The following PCDHGA3 variants were observed in gnomAD, a reference collection of about 807,000 sequenced individuals.
The protein encoded by PCDHGA3 is protocadherin gamma subfamily A, 3, also known as protocadherin gamma-A3.
A neutral mutation model predicts 58.5 loss-of-function variants in PCDHGA3; 40 were observed. That is an observed-to-expected ratio of 0.68 (90% CI 0.53 to 0.89). The LOEUF (loss-of-function observed/expected upper bound fraction) is 0.89, where lower values mean the gene tolerates loss of function less well. Ranked by LOEUF, PCDHGA3 falls within the 40% of genes least tolerant of loss-of-function variation. PCDHGA3 has a pLI of 0.00. For missense variants in PCDHGA3, 1,223 were observed against 1,195.9 expected (o/e 1.02, Z -0.33); for synonymous variants, 530 against 525.7 (o/e 1.01, Z -0.11).
rs1189175823 is a variant in PCDHGA3 at position 141,422,087 on chromosome 5, G to T, written c.2425-72720G>T. 2 of 1,611,966 alleles carry T rather than the reference G, an allele frequency of 1.2e-6. No individual in the cohort carries two copies. ...ATGTATTCATTTCGGAACATGGAAA[G>T]CAAGGCTTCTGAAATATTCCAATTG... is the stretch of plus-strand genomic sequence containing the variant. On this transcript the variant is annotated intron_variant, in intron 1 of 3. Transcript: ENST00000253812.
chr5:141,360,755 T>A, intron 1 of PCDHGA3: 1 of 1,613,972 alleles, frequency 6.2e-7, no homozygotes, highest in Non-Finnish European at 8.5e-7. Flanking sequence ...GAGCACAGTT[T>A]ACATCAATTG....
rs948066467 is a variant in PCDHGA3 at position 141,344,913 on chromosome 5, C to T, written c.880C>T (p.Leu294Phe). Residue 294 changes from leucine (L) to phenylalanine (F), a missense_variant, in exon 1 of 4, where the codon CTT (leucine) becomes TTT (phenylalanine). This residue lies in a region of PCDHGA3 where 791 missense variants were observed against 708.5 expected (regional missense o/e 1.12). Transcript: ENST00000253812. ...MPGKIAEIFH[L>F]NSVSGEVSIL... The stretch of plus-strand genomic sequence containing the variant: ...TGGGAAAATCGCTGAGATTTTCCAT[C>T]TTAACTCAGTGAGTGGAGAAGTATC... 8.7e-6 allele frequency: 14 copies of T among 1,613,862 alleles called. No homozygotes were observed. Among genetic ancestry groups the T allele is most frequent in the Non-Finnish European group, 1.0e-5 (12 of 1,179,816 alleles).
At chr5:141,356,246 T>A (rs1421799660) in intron 1 of PCDHGA3, 2 of 1,579,642 alleles carry the variant, frequency 1.3e-6, no homozygotes, top group African/African-American at 1.3e-5. Context: ...GAAGTCACAG[T>A]TACATCTCTC....
At chr5:141,500,562 T>A (rs2099801387) in intron 2 of PCDHGA3, among the ~76,000 whole-genome samples, 1 of 152,202 alleles carries the variant, frequency 6.6e-6, no homozygotes, top group Admixed American at 6.5e-5. Flanking sequence ...CACAAACTTG[T>A]CACACTTTCA....
chr5:141,414,909 C>T (rs1230113440), intron 1 of PCDHGA3: 10 of 1,614,102 alleles, frequency 6.2e-6, no homozygotes, highest in Admixed American at 1.7e-5. Context: ...GTTCCACAGG[C>T]GTGGAGCTGG....
intron 1 of PCDHGA3, chr5:141,414,991 G>T (rs1162432290): frequency 1.9e-6 from 3 of 1,613,766 alleles, no homozygotes; most frequent in Non-Finnish European, 1.7e-6. Flanking sequence ...CGGCCAGAAC[G>T]CCTGGCTGTC....
chr5:141,354,569 C>G (rs1055724310), intron 1 of PCDHGA3, among the ~76,000 whole-genome samples: 2 of 152,224 alleles, frequency 1.3e-5, no homozygotes, highest in Admixed American at 1.3e-4. Flanking sequence ...AAACTTGTTA[C>G]TGCATAAATT....
chr5:141,372,277 C>T (rs753032334), intron 1 of PCDHGA3: 2 of 1,613,112 alleles, frequency 1.2e-6, no homozygotes, highest in Non-Finnish European at 1.7e-6. Context: ...GAGGTGCGCA[C>T]GGCGCGTACC....
intron 1 of PCDHGA3, among the ~76,000 whole-genome samples, chr5:141,454,657 C>T (rs554561906): frequency 5.1e-4 from 77 of 152,192 alleles, no homozygotes; most frequent in African/African-American, 1.7e-3. Flanking sequence ...CTGCCCACCT[C>T]GGCCTCCCAA....
chr5:141,470,707 TA>T (rs1207543665), intron 1 of PCDHGA3, among the ~76,000 whole-genome samples: 1 of 152,164 alleles, frequency 6.6e-6, no homozygotes, highest in African/African-American at 2.4e-5. Flanking sequence ...ATTTTTATTT[TA>T]TTTTTTTGAG....
At chr5:141,352,154 G>T (rs770780067) in intron 1 of PCDHGA3, 1 of 1,612,750 alleles carries the variant, frequency 6.2e-7, no homozygotes, top group East Asian at 2.2e-5. Context: ...GGGCGACAGG[G>T]ACGCGGCCCG....
intron 1 of PCDHGA3, chr5:141,410,939 C>T (rs960754863): frequency 5.1e-5 from 10 of 195,446 alleles, no homozygotes; most frequent in South Asian, 1.1e-4. Flanking sequence ...CTGCAACCTC[C>T]GCCTTCTGGG....
intron 1 of PCDHGA3, chr5:141,389,822 C>T (rs1253797821): frequency 1.2e-6 from 2 of 1,613,932 alleles, no homozygotes; most frequent in Non-Finnish European, 1.7e-6. Flanking sequence ...CCGTGCGTGA[C>T]GGTGGACAGC....
intron 1 of PCDHGA3, chr5:141,350,456 G>T: frequency 1.2e-6 from 2 of 1,613,442 alleles, no homozygotes; most frequent in East Asian, 2.2e-5. Context: ...AAAACTGCGG[G>T]TTAGTGCAGA....
At chr5:141,399,129 A>G (rs1280077247) in intron 1 of PCDHGA3, 2 of 1,613,848 alleles carry the variant, frequency 1.2e-6, no homozygotes, top group Non-Finnish European at 8.5e-7. Context: ...TTAATATTCA[A>G]GATGAAAATG....
At position 141,409,805 on chromosome 5, in the gene PCDHGA3, C is replaced by A. The variant is rs751397816; in HGVS notation, c.2424+63348C>A. On this transcript the variant is annotated intron_variant, in intron 1 of 3. Transcript: ENST00000253812. ...CGCCTTCGCGCTCACGCTGCAGGCC[C>A]GCGACCACGGCTCGCCCACGCTCAG... is the stretch of plus-strand genomic sequence containing the variant. 14 of 1,611,512 alleles carry A rather than the reference C, an allele frequency of 8.7e-6. No homozygotes were observed. Among genetic ancestry groups the A allele is most frequent in the Middle Eastern group, 1.6e-4 (1 of 6,072 alleles).
chr5:141,393,972 C>T, intron 1 of PCDHGA3: 1 of 1,613,790 alleles, frequency 6.2e-7, no homozygotes, highest in Non-Finnish European at 8.5e-7. Flanking sequence ...CTGTTACACA[C>T]GTGATAATTT....
chr5:141,473,944 C>T (rs1279694347), intron 1 of PCDHGA3, among the ~76,000 whole-genome samples: 1 of 152,156 alleles, frequency 6.6e-6, no homozygotes, highest in Non-Finnish European at 1.5e-5. Context: ...TAGCTCAGGC[C>T]TGTAGTCCCA....
At position 141,505,489 on chromosome 5, in the gene PCDHGA3, G is replaced by A. The variant is rs759637750; in HGVS notation, c.2572+8G>A. On this transcript the variant is annotated splice_region_variant and intron_variant, in intron 3 of 3. Coordinates refer to ENST00000253812, the MANE Select transcript of PCDHGA3 (RefSeq NM_018916.4). ...TCTTGGCGTCCGCCAGTGGTAAGTG[G>A]TGTCAGTGTGTGTATGGAAGAGTGG... The A allele has an allele frequency of 6.2e-7, 1 of 1,614,218 alleles. No homozygotes were observed. The highest frequency in any genetic ancestry group is 1.7e-5 in the Admixed American group (1 of 60,032).
Sources: gnomAD v4.1 joint callset for allele counts (sites outside exome capture counted in the v4.1 genomes callset) on GRCh38, gnomAD v4.1.1 for gene constraint, gnomAD v4.1.1 regional missense constraint, MANE v1.5 for transcripts, NCBI Gene and HGNC (gene_info 2026-07-23, HGNC 2026-07-21) for gene names.